The following CELF5 variants were observed in gnomAD, a reference collection of about 807,000 sequenced individuals.
CELF5 encodes CUGBP Elav-like family member 5, also known as CUG-BP and ETR-3 like factor 5.
CELF5 carries 6 observed loss-of-function variants against 54.9 expected under a neutral mutation model. The observed-to-expected ratio is 0.11, with a 90% CI of 0.06 to 0.22. The LOEUF is 0.22. CELF5 is among the 10% of genes least tolerant of loss of function. The pLI, the probability that CELF5 is intolerant of heterozygous loss-of-function variation, is 1.00. For missense variants in CELF5, 401 were observed against 678.6 expected (o/e 0.59, Z 4.54); for synonymous variants, 271 against 290.9 (o/e 0.93, Z 0.70).
chr19:3,281,191 C>G lies in CELF5; in HGVS notation c.604-8C>G. ...CGTTTCCCTCCCTGCTCGCCGCTGC[C>G]CCTGCAGGGAGCCTCCTCCAGCCTG... On this transcript the variant is annotated splice_region_variant and splice_polypyrimidine_tract_variant and intron_variant, in intron 5 of 12. Coordinates refer to ENST00000292672, the MANE Select transcript of CELF5 (RefSeq NM_021938.4). The surrounding 1 kb of genome is among the most constrained non-coding windows in gnomAD (Gnocchi z 6.5). The G allele has an allele frequency of 6.2e-7, 1 of 1,602,532 alleles. No homozygotes were observed. Among genetic ancestry groups the G allele is most frequent in the Non-Finnish European group, 8.5e-7 (1 of 1,177,028 alleles).
intron 1 of CELF5, among the ~76,000 whole-genome samples, chr19:3,236,351 C>G (rs572378073): frequency 6.6e-6 from 1 of 152,042 alleles, no homozygotes; most frequent in Non-Finnish European, 1.5e-5. Context: ...TGTGTGGCCT[C>G]GTGGTTCCCA....
intron 2 of CELF5, among the ~76,000 whole-genome samples, chr19:3,264,295 C>T (rs528384160): frequency 2.7e-5 from 3 of 111,782 alleles, no homozygotes; most frequent in Admixed American, 1.1e-4. Flanking sequence ...GTCCCTAAAG[C>T]ACTAGGTGTT....
chr19:3,272,659 G>A (rs1376678099), intron 2 of CELF5, among the ~76,000 whole-genome samples: 2 of 152,212 alleles, frequency 1.3e-5, no homozygotes, highest in Non-Finnish European at 1.5e-5. Context: ...CCCCATGTGG[G>A]GAGATGCCGT....
At position 3,278,125 on chromosome 19, in the gene CELF5, C is replaced by T. The variant is rs780119492; in HGVS notation, c.603+15C>T. 4 of 1,587,290 alleles carry T rather than the reference C, an allele frequency of 2.5e-6. No homozygotes were observed. The highest frequency in any genetic ancestry group is 1.7e-4 in the Middle Eastern group (1 of 6,004). Reference sequence around the variant, plus strand: ...AGACCATGCCGGTGAGTTGGAGCTGCCCTTGGCCGTGGGGGTGGGGGTGGG... The same window carrying T: ...AGACCATGCCGGTGAGTTGGAGCTGTCCTTGGCCGTGGGGGTGGGGGTGGG... On this transcript the variant is annotated intron_variant, in intron 5 of 12. Coordinates refer to ENST00000292672, the MANE Select transcript of CELF5 (RefSeq NM_021938.4). This position sits in a 1 kb window ranked among gnomAD's most constrained non-coding sequence, Gnocchi z 4.5.
rs1284461094 is a variant in CELF5, at chr19:3,268,459, G to A, written c.343-5413G>A. 1.3e-5 allele frequency among the ~76,000 whole-genome samples: 2 copies of A among 152,182 alleles called. No individual in the cohort carries two copies. The highest frequency in any genetic ancestry group is 2.9e-5 in the Non-Finnish European group (2 of 68,032). ...GTCAAGCTGCGAGACTCGGGGCGTC[G>A]TGTCATCTTTCTGGGCCTGTGCAGA... On this transcript the variant is annotated intron_variant, in intron 2 of 12. Coordinates refer to ENST00000292672, the MANE Select transcript of CELF5 (RefSeq NM_021938.4). This position sits in a 1 kb window ranked among gnomAD's most constrained non-coding sequence, Gnocchi z 4.4.
At chr19:3,250,297 G>A (rs2145059135) in intron 1 of CELF5, among the ~76,000 whole-genome samples, 1 of 152,186 alleles carries the variant, frequency 6.6e-6, no homozygotes, top group Non-Finnish European at 1.5e-5. Flanking sequence ...GACCATCCTG[G>A]CTAACACGGT....
At chr19:3,247,820 G>A (rs1599409742) in intron 1 of CELF5, among the ~76,000 whole-genome samples, 1 of 152,132 alleles carries the variant, frequency 6.6e-6, no homozygotes, top group South Asian at 2.1e-4. Context: ...GGAGTGCAGT[G>A]GCGTGATCTT....
At chr19:3,285,663 GC>G (rs1195384665) in intron 9 of CELF5, among the ~76,000 whole-genome samples, 2 of 12,980 alleles carry the variant, frequency 1.5e-4, no homozygotes, top group Non-Finnish European at 3.6e-4. Flanking sequence ...CATGGGGTCC[GC>G]CCCCACCCCC....
At chr19:3,249,333 G>A (rs1424720564) in intron 1 of CELF5, among the ~76,000 whole-genome samples, 1 of 152,124 alleles carries the variant, frequency 6.6e-6, no homozygotes, top group Admixed American at 6.5e-5. Context: ...TTGGGGAAAC[G>A]TCTTTCAAAA....
intron 11 of CELF5, among the ~76,000 whole-genome samples, chr19:3,292,060 A>T (rs2080359373): frequency 6.6e-6 from 1 of 151,796 alleles, no homozygotes; most frequent in South Asian, 2.1e-4. Flanking sequence ...GATTCTCCTG[A>T]CTCAGCATCC....
intron 1 of CELF5, among the ~76,000 whole-genome samples, chr19:3,235,693 G>C (rs1172903791): frequency 7.2e-6 from 1 of 139,244 alleles, no homozygotes; most frequent in African/African-American, 2.7e-5. Context: ...TGGATGGGTG[G>C]ATGGATGGAT....
intron 2 of CELF5, among the ~76,000 whole-genome samples, chr19:3,253,817 G>GT (rs79619872): frequency 0.2 from 30,367 of 151,982 alleles, 3,477 homozygotes; most frequent in East Asian, 0.54. Context: ...CAGGTCCTGG[G>GT]GGAAGCTCTG....
At position 3,288,303 on chromosome 19, in the gene CELF5, C is replaced by T. The variant is rs1402914933; in HGVS notation, c.1187-1928C>T. Among the ~76,000 whole-genome samples, 7 of 151,844 alleles carry T rather than the reference C, an allele frequency of 4.6e-5. No homozygotes were observed. In the East Asian group the frequency reaches 1.4e-3, roughly 29 times the overall value. On this transcript the variant is annotated intron_variant, in intron 10 of 12. Transcript: ENST00000292672. The stretch of plus-strand genomic sequence containing the variant: ...TTGGGAGGCTGAGGTGGGCAGATTG[C>T]CTGAGGTTGGGAGTTCGAGACCAGC...
At chr19:3,238,610 C>T (rs1481694634) in intron 1 of CELF5, among the ~76,000 whole-genome samples, 8 of 152,088 alleles carry the variant, frequency 5.3e-5, no homozygotes, top group East Asian at 1.9e-4. Context: ...ATCATCTGTG[C>T]GTCTGCGTCT....
At chr19:3,290,092 C>A (rs1346000879) in intron 10 of CELF5, 139 bp from the exon 11 acceptor site, 10 of 636,340 alleles carry the variant, frequency 1.6e-5, no homozygotes, top group South Asian at 1.5e-4. Flanking sequence ...TGGCCAGGCC[C>A]CTTCTTTCTG....
intron 2 of CELF5, among the ~76,000 whole-genome samples, chr19:3,272,485 A>G (rs1226274429): frequency 2.0e-5 from 3 of 152,228 alleles, no homozygotes; most frequent in Non-Finnish European, 4.4e-5. Flanking sequence ...AACCCATAGG[A>G]CTCAGGGGAT....
chr19:3,256,847 C>T (rs981645061), intron 2 of CELF5, among the ~76,000 whole-genome samples: 3 of 151,310 alleles, frequency 2.0e-5, no homozygotes, highest in Admixed American at 6.6e-5. Flanking sequence ...GGATTACAGG[C>T]GTCAGCCACT....
chr19:3,228,459 G>A lies in CELF5; in HGVS notation c.259+3461G>A, dbSNP rs368430016. Among the ~76,000 whole-genome samples the A allele has an allele frequency of 7.0e-4, 107 of 152,358 alleles. No individual in the cohort carries two copies. The South Asian group carries it at 9.1e-3, about 13-fold the overall frequency. ...TGGCTGCCCCTGTCTATGGATGGTG[G>A]CTGCCTGGGTGCCCACCCTGCCAGG... On this transcript the variant is annotated intron_variant, in intron 1 of 12. Coordinates refer to ENST00000292672, the MANE Select transcript of CELF5 (RefSeq NM_021938.4). This position sits in a 1 kb window ranked among gnomAD's most constrained non-coding sequence, Gnocchi z 6.0.
intron 12 of CELF5, 44 bp downstream of exon 12, chr19:3,293,530 T>G: frequency 6.7e-7 from 1 of 1,496,670 alleles, no homozygotes; most frequent in Non-Finnish European, 9.0e-7. Context: ...CCCCCCGTCT[T>G]GTCTGAAACC....
Sources: gnomAD v4.1 joint callset for allele counts (sites outside exome capture counted in the v4.1 genomes callset) on GRCh38, gnomAD v4.1.1 for gene constraint, Gnocchi (gnomAD v3.1) non-coding constraint, MANE v1.5 for transcripts, NCBI Gene and HGNC (gene_info 2026-07-23, HGNC 2026-07-21) for gene names.